ZCCHC14: variants seen among roughly 807,000 people sequenced by gnomAD.
ZCCHC14 encodes the protein zinc finger CCHC-type containing 14.
ZCCHC14 carries 16 observed loss-of-function variants against 85.0 expected under a neutral mutation model. The observed-to-expected ratio is 0.19, with a 90% CI of 0.13 to 0.29. The LOEUF is 0.29. Ranked by LOEUF, ZCCHC14 falls within the 10% of genes least tolerant of loss-of-function variation. The pLI, the probability that ZCCHC14 is intolerant of heterozygous loss-of-function variation, is 1.00. For missense variants in ZCCHC14, 1,303 were observed against 1,443.5 expected, an observed-to-expected ratio of 0.90 and a Z score of 1.58; for synonymous variants, 775 against 630.7, an observed-to-expected ratio of 1.23 and a Z score of -3.43.
intron 1 of ZCCHC14, among the ~76,000 whole-genome samples, chr16:87,485,211 G>A (rs985866488): frequency 6.6e-6 from 1 of 152,184 alleles, no homozygotes; most frequent in African/African-American, 2.4e-5. Flanking sequence ...GATCAGACAT[G>A]ACACACGGCT....
At chr16:87,410,701 T>C (rs1422537106) in intron 12 of ZCCHC14, among the ~76,000 whole-genome samples, 1 of 152,198 alleles carries the variant, frequency 6.6e-6, no homozygotes, top group African/African-American at 2.4e-5. Context: ...GCCAGCTTTA[T>C]GAAGGGAGGC....
Position 87,479,928 on chromosome 16 carries a change from TTTC to T in ZCCHC14, c.570+11738_570+11740del, listed in dbSNP as rs529708327. Among the ~76,000 whole-genome samples, 400 of 151,942 alleles carry T rather than the reference TTTC, an allele frequency of 2.6e-3. 2 individuals carry two copies. Among genetic ancestry groups the T allele is most frequent in the Non-Finnish European group, 3.5e-3 (240 of 67,958 alleles). On this transcript the variant is annotated intron_variant, in intron 1 of 12. Transcript: ENST00000671377. ...AATGAAAGCTTTTGTATGCCAGTTT[TTTC>T]TTCTTCTTTTTCTTTTTTTTTTTAA...
At chr16:87,485,223 C>T (rs10221082) in intron 1 of ZCCHC14, among the ~76,000 whole-genome samples, 216 of 152,312 alleles carry the variant, frequency 1.4e-3, no homozygotes, top group African/African-American at 5.1e-3. Context: ...CACACGGCTG[C>T]TAGAAGAGCA....
In ZCCHC14 at chr16:87,491,629, A is replaced by G; in HGVS notation, c.570+40T>C. ...GCTTGGAGTGCAGAGTTGGGGATGCAGACTTGGGGTACAGGGCAGAGCTCG... is the reference window on the plus strand; with the variant it reads ...GCTTGGAGTGCAGAGTTGGGGATGCGGACTTGGGGTACAGGGCAGAGCTCG... On this transcript the variant is annotated intron_variant, in intron 1 of 12. Transcript: ENST00000671377. The surrounding 1 kb of genome is among the most constrained non-coding windows in gnomAD (Gnocchi z 5.9). 7.3e-7 allele frequency: 1 copy of G among 1,366,024 alleles called. No individual in the cohort carries two copies. The highest frequency in any genetic ancestry group is 1.8e-5 in the South Asian group (1 of 56,932). 84.6% of individuals were successfully genotyped at this position (1,366,024 alleles called of 1,614,324 possible).
intron 1 of ZCCHC14, chr16:87,474,305 T>C (rs1279130340): frequency 1.3e-5 from 2 of 152,362 alleles, no homozygotes; most frequent in African/African-American, 4.8e-5. Context: ...TTCAAGGCAC[T>C]GGGCCATGCT....
At chr16:87,417,308 C>A in intron 8 of ZCCHC14, 152 bp downstream of exon 8, 1 of 1,191,972 alleles carries the variant, frequency 8.4e-7, no homozygotes, top group Non-Finnish European at 1.2e-6. Flanking sequence ...AGGCGGCCTC[C>A]GCAAAGCCCA....
rs997309153 is a variant in ZCCHC14 at position 87,406,956 on chromosome 16, A to G, written c.*3324T>C. 1 of 152,124 alleles carries G rather than the reference A, an allele frequency of 6.6e-6. No individual in the cohort carries two copies. The highest frequency in any genetic ancestry group is 1.5e-5 in the Non-Finnish European group (1 of 68,032). 9.4% of individuals were successfully genotyped at this position (152,124 alleles called of 1,614,324 possible). A position where few individuals can be genotyped will look rare whatever the true frequency, so the allele number is the denominator to read the frequency against. ...GTCAAGCAGGGAGACGGCTTTCCTCACAACCTTGAAGACCATCAGTCATCA... is the reference window on the plus strand; with the variant it reads ...GTCAAGCAGGGAGACGGCTTTCCTCGCAACCTTGAAGACCATCAGTCATCA... On this transcript the variant is annotated 3_prime_UTR_variant, in exon 13 of 13. Transcript: ENST00000671377.
intron 1 of ZCCHC14, among the ~76,000 whole-genome samples, chr16:87,469,202 T>C (rs1359151224): frequency 2.0e-5 from 3 of 152,134 alleles, no homozygotes; most frequent in Non-Finnish European, 2.9e-5. Flanking sequence ...CATGAGACAA[T>C]GCACCCGGCT....
At chr16:87,447,021 G>T (rs1396749707) in intron 2 of ZCCHC14, among the ~76,000 whole-genome samples, 3 of 152,096 alleles carry the variant, frequency 2.0e-5, no homozygotes, top group African/African-American at 7.2e-5. Flanking sequence ...AGACAATTTA[G>T]TAACACAAAT....
At position 87,444,056 on chromosome 16, in the gene ZCCHC14, A is replaced by G. The variant is rs542199591; in HGVS notation, c.695-10855T>C. Among the ~76,000 whole-genome samples the G allele has an allele frequency of 1.8e-3, 264 of 150,622 alleles. 2 individuals are homozygous for G. The highest frequency in any genetic ancestry group is 4.9e-3 in the African/African-American group (204 of 41,224). On this transcript the variant is annotated intron_variant, in intron 2 of 12. Transcript: ENST00000671377. ...TATCACAGAAAAAAAAAAAAAAAAAAAAAGAAAGAAAGAAAAGGAAAAACA... is the reference window on the plus strand; with the variant it reads ...TATCACAGAAAAAAAAAAAAAAAAAGAAAGAAAGAAAGAAAAGGAAAAACA...
intron 2 of ZCCHC14, among the ~76,000 whole-genome samples, chr16:87,442,574 A>G (rs1597422803): frequency 6.6e-6 from 1 of 150,652 alleles, no homozygotes; most frequent in East Asian, 1.9e-4. Context: ...AAATTTACAG[A>G]AAAAAAAATT....
intron 3 of ZCCHC14, among the ~76,000 whole-genome samples, chr16:87,432,161 C>G (rs1909695194): frequency 6.6e-6 from 1 of 152,162 alleles, no homozygotes; most frequent in South Asian, 2.1e-4. Context: ...GGAGAGCACT[C>G]TCCAATGACG....
At chr16:87,447,150 G>A (rs1158811936) in intron 2 of ZCCHC14, among the ~76,000 whole-genome samples, 1 of 152,180 alleles carries the variant, frequency 6.6e-6, no homozygotes, top group African/African-American at 2.4e-5. Flanking sequence ...TTGGGGCAGA[G>A]CCTTATAAGA....
At chr16:87,426,520 C>T (rs541402490) in intron 3 of ZCCHC14, among the ~76,000 whole-genome samples, 7 of 152,330 alleles carry the variant, frequency 4.6e-5, no homozygotes, top group East Asian at 1.9e-4. Flanking sequence ...TGTCCTCACA[C>T]GCAGGGTCTA....
chr16:87,465,568 G>C (rs1911481134), intron 1 of ZCCHC14, among the ~76,000 whole-genome samples: 1 of 152,180 alleles, frequency 6.6e-6, no homozygotes, highest in South Asian at 2.1e-4. Context: ...CTGGACTTGG[G>C]CAGCCCGCCT....
intron 3 of ZCCHC14, among the ~76,000 whole-genome samples, chr16:87,427,393 G>C (rs1248364513): frequency 6.6e-6 from 1 of 152,202 alleles, no homozygotes; most frequent in African/African-American, 2.4e-5. Context: ...GGAGCAGTCA[G>C]TGTTGCTTGG....
intron 1 of ZCCHC14, among the ~76,000 whole-genome samples, chr16:87,464,956 G>T (rs1261340056): frequency 6.6e-6 from 1 of 152,192 alleles, no homozygotes; most frequent in Non-Finnish European, 1.5e-5. Flanking sequence ...CTGCTAGGAA[G>T]GCAACGATAA....
intron 3 of ZCCHC14, among the ~76,000 whole-genome samples, chr16:87,429,531 C>G (rs2150735352): frequency 6.6e-6 from 1 of 152,262 alleles, no homozygotes; most frequent in East Asian, 1.9e-4. Flanking sequence ...CGGCTCATGC[C>G]AGCAACCTAG....
intron 2 of ZCCHC14, among the ~76,000 whole-genome samples, chr16:87,436,045 A>C (rs1479651961): frequency 6.6e-6 from 1 of 152,216 alleles, no homozygotes; most frequent in Non-Finnish European, 1.5e-5. Flanking sequence ...TGAATACAGA[A>C]ACATGTAGTC....
Sources: gnomAD v4.1 joint callset for allele counts (sites outside exome capture counted in the v4.1 genomes callset) on GRCh38, gnomAD v4.1.1 for gene constraint, Gnocchi (gnomAD v3.1) non-coding constraint, MANE v1.5 for transcripts, NCBI Gene and HGNC (gene_info 2026-07-23, HGNC 2026-07-21) for gene names.